SGCZ: variants seen among roughly 807,000 people sequenced by gnomAD.
SGCZ encodes the protein zeta-sarcoglycan.
Under a neutral mutation model 41.3 loss-of-function variants are expected in SGCZ, and 40 were observed. The ratio of observed to expected loss-of-function variants is 0.97; its 90% CI spans 0.75 to 1.26. The LOEUF (loss-of-function observed/expected upper bound fraction) is 1.26, where lower values mean the gene tolerates loss of function less well. Ranked by LOEUF, SGCZ falls within the 50% of genes most tolerant of loss-of-function variation. SGCZ has a pLI of 0.00. For missense variants in SGCZ, 552 were observed against 369.8 expected, an observed-to-expected ratio of 1.49 and a Z score of -4.04; for synonymous variants, 206 against 137.5, an observed-to-expected ratio of 1.50 and a Z score of -3.49.
At chr8:15,133,874 C>A (rs966829382) in intron 1 of SGCZ, among the ~76,000 whole-genome samples, 1 of 152,032 alleles carries the variant, frequency 6.6e-6, no homozygotes, top group South Asian at 2.1e-4. Context: ...TAACAATGAT[C>A]CTTTGCTAAT....
chr8:14,295,765 A>G (rs990585952), intron 3 of SGCZ, among the ~76,000 whole-genome samples: 5 of 152,186 alleles, frequency 3.3e-5, no homozygotes, highest in Non-Finnish European at 7.3e-5. Flanking sequence ...CGCCAAACAC[A>G]GAGCAACCAA....
intron 4 of SGCZ, among the ~76,000 whole-genome samples, chr8:14,195,073 T>C (rs1415153897): frequency 6.6e-6 from 1 of 152,132 alleles, no homozygotes; most frequent in Non-Finnish European, 1.5e-5. Context: ...GAAAGATTAC[T>C]AGGCATTAAC....
At chr8:14,299,551 A>G (rs1210120266) in intron 3 of SGCZ, among the ~76,000 whole-genome samples, 1 of 151,970 alleles carries the variant, frequency 6.6e-6, no homozygotes, top group African/African-American at 2.4e-5. Flanking sequence ...GTAAGCACAT[A>G]AAAGAGTGCT....
At chr8:14,743,445 G>A (rs758794016) in intron 1 of SGCZ, among the ~76,000 whole-genome samples, 53 of 151,912 alleles carry the variant, frequency 3.5e-4, no homozygotes, top group African/African-American at 1.2e-3. Context: ...CATATACTGT[G>A]CCCTATAGAA....
At chr8:14,568,587 A>G (rs1247582248) in intron 1 of SGCZ, among the ~76,000 whole-genome samples, 5 of 152,032 alleles carry the variant, frequency 3.3e-5, no homozygotes, top group Non-Finnish European at 5.9e-5. Context: ...TTTGCTTGCA[A>G]TTCTTTCAGA....
At chr8:15,122,903 CATAGA>C (rs1462828233) in intron 1 of SGCZ, among the ~76,000 whole-genome samples, 28 of 152,244 alleles carry the variant, frequency 1.8e-4, no homozygotes, top group Non-Finnish European at 3.7e-4. Context: ...AATGTTACAC[CATAGA>C]AAAGATTCTT....
intron 1 of SGCZ, among the ~76,000 whole-genome samples, chr8:14,814,316 C>T (rs537610934): frequency 1.2e-4 from 19 of 152,204 alleles, no homozygotes; most frequent in African/African-American, 4.1e-4. Flanking sequence ...GGGACTGAAG[C>T]TCTAAAACTA....
intron 1 of SGCZ, among the ~76,000 whole-genome samples, chr8:14,774,827 T>A (rs1051050905): frequency 6.6e-6 from 1 of 152,206 alleles, no homozygotes; most frequent in Non-Finnish European, 1.5e-5. Flanking sequence ...TTATCCTAGC[T>A]GTTTTGCTTC....
At chr8:14,820,133 G>A (rs187573968) in intron 1 of SGCZ, among the ~76,000 whole-genome samples, 71 of 152,056 alleles carry the variant, frequency 4.7e-4, no homozygotes, top group African/African-American at 1.4e-3. Context: ...TAGCATGCAA[G>A]AGACTCACCT....
At position 14,642,728 on chromosome 8, in the gene SGCZ, G is replaced by T. The variant is rs1807067728; in HGVS notation, c.40-87802C>A. Among the ~76,000 whole-genome samples the T allele has an allele frequency of 3.3e-5, 5 of 151,322 alleles. No homozygotes were observed. The Admixed American group carries it at 3.3e-4, about 10-fold the overall frequency. ...TGTAATGTAAATACTTAATTTGTTG[G>T]TCAGATTTATAGATTTTTCAGTTAT... On this transcript the variant is annotated intron_variant, in intron 1 of 7. Coordinates refer to ENST00000382080, the MANE Select transcript of SGCZ (RefSeq NM_139167.4).
chr8:14,495,016 T>C (rs370144009), intron 2 of SGCZ, among the ~76,000 whole-genome samples: 9 of 152,172 alleles, frequency 5.9e-5, no homozygotes, highest in East Asian at 5.8e-4. Context: ...GTGTTTGCCA[T>C]AGGTTTCTGG....
intron 7 of SGCZ, among the ~76,000 whole-genome samples, chr8:14,101,923 C>A (rs867212111): frequency 6.6e-6 from 1 of 151,698 alleles, no homozygotes; most frequent in Non-Finnish European, 1.5e-5. Context: ...GACGGAGTCT[C>A]GCTCTGTCGC....
intron 2 of SGCZ, among the ~76,000 whole-genome samples, chr8:14,351,452 CA>C (rs1225909557): frequency 1.3e-5 from 2 of 151,962 alleles, no homozygotes; most frequent in Non-Finnish European, 2.9e-5. Flanking sequence ...ATAATTGCTT[CA>C]TGATCAATTT....
chr8:14,897,611 G>A (rs753402841), intron 1 of SGCZ, among the ~76,000 whole-genome samples: 2 of 152,184 alleles, frequency 1.3e-5, no homozygotes, highest in Non-Finnish European at 2.9e-5. Context: ...ATTAGTCACA[G>A]CTATAGATCA....
At chr8:14,327,744 T>C (rs1019327788) in intron 2 of SGCZ, among the ~76,000 whole-genome samples, 4 of 152,200 alleles carry the variant, frequency 2.6e-5, no homozygotes, top group African/African-American at 9.7e-5. Flanking sequence ...TCATTTAAAT[T>C]AGATAAAACA....
intron 1 of SGCZ, among the ~76,000 whole-genome samples, chr8:14,936,033 A>G (rs1800069365): frequency 6.6e-6 from 1 of 151,984 alleles, no homozygotes; most frequent in South Asian, 2.1e-4. Context: ...TAATGTAACA[A>G]TTCAAAACTT....
chr8:14,170,688 A>G (rs546965897), intron 4 of SGCZ, among the ~76,000 whole-genome samples: 10 of 152,182 alleles, frequency 6.6e-5, no homozygotes, highest in African/African-American at 1.9e-4. Context: ...TAAAATGGCA[A>G]TATTTCCAAA....
chr8:14,562,596 G>A (rs529669994), intron 1 of SGCZ, among the ~76,000 whole-genome samples: 33 of 152,178 alleles, frequency 2.2e-4, no homozygotes, highest in Non-Finnish European at 3.7e-4. Flanking sequence ...AGACTAAAAT[G>A]AAGAAGAGAC....
intron 1 of SGCZ, among the ~76,000 whole-genome samples, chr8:14,782,300 A>C (rs565109808): frequency 2.3e-4 from 35 of 152,340 alleles, no homozygotes; most frequent in African/African-American, 7.9e-4. Context: ...ATTTCAATAC[A>C]GTGTACTTTG....
Sources: allele counts gnomAD v4.1 joint callset (sites outside exome capture counted in the v4.1 genomes callset), GRCh38; gene constraint gnomAD v4.1.1; transcripts MANE v1.5; gene names NCBI Gene and HGNC (gene_info 2026-07-23, HGNC 2026-07-21).